The following NRAP variants were observed in gnomAD, a reference collection of about 807,000 sequenced individuals.
NRAP encodes the protein nebulin-related-anchoring protein.
A neutral mutation model predicts 225.9 loss-of-function variants in NRAP; 189 were observed. The ratio of observed to expected loss-of-function variants is 0.84; its 90% CI spans 0.74 to 0.94. The LOEUF is 0.94. NRAP is among the 40% of genes least tolerant of loss of function. The pLI, the probability that NRAP is intolerant of heterozygous loss-of-function variation, is 0.00. For synonymous variants in NRAP, 769 were observed against 790.7 expected (o/e 0.97, Z 0.46); for missense variants, 2,176 against 2,168.7 (o/e 1.00, Z -0.07).
At chr10:113,625,116 A>G (rs537919035) in intron 21 of NRAP, among the ~76,000 whole-genome samples, 186 bp from the exon 22 acceptor site, 58 of 152,302 alleles carry the variant, frequency 3.8e-4, no homozygotes, top group African/African-American at 1.3e-3. Flanking sequence ...AAGGAGAAGC[A>G]GTGGGGAGGA....
chr10:113,620,269 A>ATT (rs1489636810), intron 25 of NRAP, among the ~76,000 whole-genome samples: 6 of 152,188 alleles, frequency 3.9e-5, no homozygotes, highest in African/African-American at 1.4e-4. Context: ...AAAGTCACCA[A>ATT]AGAGCTTTTT....
At chr10:113,621,833 T>A in intron 24 of NRAP, 36 bp downstream of exon 24, 1 of 1,563,360 alleles carries the variant, frequency 6.4e-7, no homozygotes, top group Non-Finnish European at 8.7e-7. Flanking sequence ...AACACACACA[T>A]ACACACACAA....
chr10:113,590,572 G>A lies in NRAP; in HGVS notation c.4956+6C>T. The A allele has an allele frequency of 1.2e-5, 19 of 1,606,626 alleles. No homozygotes were observed. Among genetic ancestry groups the A allele is most frequent in the Middle Eastern group, 3.4e-4 (2 of 5,896 alleles). On this transcript the variant is annotated splice_donor_region_variant and intron_variant, in intron 40 of 41. Coordinates refer to ENST00000359988, the MANE Select transcript of NRAP (RefSeq NM_198060.4). ...GGCCTCAAGGGAGTGGGTGGAGGTG[G>A]CTCACATCACTCTGCAGCTGGTGGG...
At chr10:113,634,906 G>C (rs1385030745) in intron 14 of NRAP, among the ~76,000 whole-genome samples, 2 of 152,122 alleles carry the variant, frequency 1.3e-5, no homozygotes, top group Non-Finnish European at 2.9e-5. Flanking sequence ...ACTCCTTGTA[G>C]GTGGCCCTAA....
intron 30 of NRAP, among the ~76,000 whole-genome samples, chr10:113,611,325 A>G (rs1847309465): frequency 6.6e-6 from 1 of 152,226 alleles, no homozygotes; most frequent in Admixed American, 6.5e-5. Flanking sequence ...ACAGACACCC[A>G]GATCTGAGTG....
At chr10:113,629,950 G>T (rs1848491882) in intron 18 of NRAP, among the ~76,000 whole-genome samples, 165 bp from the exon 19 acceptor site, 1 of 152,186 alleles carries the variant, frequency 6.6e-6, no homozygotes, top group African/African-American at 2.4e-5. Context: ...GCTCTGAAAG[G>T]CAGCATCATG....
Position 113,641,448 on chromosome 10 carries a change from T to C in NRAP, c.1240A>G (p.Asn414Asp). The C allele has an allele frequency of 6.2e-7, 1 of 1,613,196 alleles. No individual in the cohort carries two copies. Among genetic ancestry groups the C allele is most frequent in the Non-Finnish European group, 8.5e-7 (1 of 1,179,152 alleles). Residue 414 changes from asparagine to aspartate, a missense_variant, in exon 13 of 42, where the codon AAC (asparagine) becomes GAC (aspartate). Around this residue, in one of 3 missense-constraint regions of NRAP, gnomAD observed 1,708 missense variants for 1,695.5 expected, o/e 1.01. Transcript: ENST00000359988. ...SDNKYKENYQ[N>D]HMRGRYEGVG... is the part of the protein sequence containing the mutation. Reference sequence around the variant, plus strand: ...CCTTCATAGCGGCCTCTCATGTGGTTCTGGTAGTTTTCTTTATATTTATTC... The same window carrying C: ...CCTTCATAGCGGCCTCTCATGTGGTCCTGGTAGTTTTCTTTATATTTATTC...
At chr10:113,629,940 G>A (rs1450776814) in intron 18 of NRAP, among the ~76,000 whole-genome samples, 155 bp from the exon 19 acceptor site, 1 of 152,164 alleles carries the variant, frequency 6.6e-6, no homozygotes, top group Non-Finnish European at 1.5e-5. Context: ...CCAAGTCCTG[G>A]CTCTGAAAGG....
chr10:113,633,950 TC>T (rs1848713347), intron 15 of NRAP, among the ~76,000 whole-genome samples, 161 bp downstream of exon 15: 1 of 152,180 alleles, frequency 6.6e-6, no homozygotes, highest in African/African-American at 2.4e-5. Flanking sequence ...TTCAAAATTT[TC>T]CATAATAAAA....
chr10:113,655,986 C>A (rs879739470), intron 4 of NRAP, among the ~76,000 whole-genome samples: 10 of 152,134 alleles, frequency 6.6e-5, no homozygotes, highest in African/African-American at 1.2e-4. Context: ...CAAGGACATT[C>A]GAAAGTTAAC....
Position 113,597,083 on chromosome 10 carries a change from C to T in NRAP, c.4431+3G>A. The T allele has an allele frequency of 6.2e-7, 1 of 1,600,260 alleles. No homozygotes were observed. Among genetic ancestry groups the T allele is most frequent in the East Asian group, 2.2e-5 (1 of 44,802 alleles). ...CCGGGATGAATGACAAGAAAGGACC[C>T]ACCTCATTGCAGTGCATATAGCTGT... On this transcript the variant is annotated splice_donor_region_variant and intron_variant, in intron 37 of 41. Transcript: ENST00000359988.
intron 9 of NRAP, 57 bp from the exon 10 acceptor site, chr10:113,647,084 G>A: frequency 9.4e-7 from 1 of 1,065,430 alleles, no homozygotes; most frequent in South Asian, 1.3e-5. Context: ...GATGGGTGGG[G>A]TTCAGCAATG....
intron 32 of NRAP, among the ~76,000 whole-genome samples, chr10:113,607,150 A>T (rs1289169517): frequency 6.6e-6 from 1 of 151,852 alleles, no homozygotes; most frequent in Non-Finnish European, 1.5e-5. Flanking sequence ...GCAGTGAGCA[A>T]AGATCGCGCC....
Position 113,663,853 on chromosome 10 carries a change from C to T in NRAP, c.30G>A (p.Gly10=). ...TCTTCTCGGCAGGATAAACCCCATA[C>T]CCACACCTAGAACAGGGCTGCACAT... is the stretch of plus-strand genomic sequence containing the variant. MNVQPCSRC[G]YGVYPAEKIS... is the part of the protein sequence containing the mutation. Residue 10 remains glycine, a synonymous_variant, in exon 1 of 42, where the codon GGG becomes GGA. Transcript: ENST00000359988. 6.2e-7 allele frequency: 1 copy of T among 1,613,796 alleles called. No homozygotes were observed. The highest frequency in any genetic ancestry group is 8.5e-7 in the Non-Finnish European group (1 of 1,179,774).
At position 113,590,685 on chromosome 10, in the gene NRAP, G is replaced by A. The variant is rs376549512; in HGVS notation, c.4849C>T (p.Gln1617Ter). 6 of 1,614,092 alleles carry A rather than the reference G, an allele frequency of 3.7e-6. No individual in the cohort carries two copies. The highest frequency in any genetic ancestry group is 5.1e-6 in the Non-Finnish European group (6 of 1,180,046). The change falls in exon 40 of 42, where the codon CAG becomes TAG. Residue 1617 changes from glutamine (Q) to a stop codon, truncating the protein, a stop_gained. Transcript: ENST00000359988. LOFTEE classifies it high-confidence loss of function. ...PGLLQAKRSQQLASDVHYRQP... is the reference protein window; with the variant it reads ...PGLLQAKRSQ Reference sequence around the variant, plus strand: ...CTGTAGTGCACATCACTGGCCAGCTGCTGGCTCCTCTTGGCCTGAAGGAGG... The same window carrying A: ...CTGTAGTGCACATCACTGGCCAGCTACTGGCTCCTCTTGGCCTGAAGGAGG...
At position 113,607,399 on chromosome 10, in the gene NRAP, C is replaced by CA. The variant is rs543627940; in HGVS notation, c.3702+1014dup. Among the ~76,000 whole-genome samples, 164 of 68,590 alleles carry CA rather than the reference C, an allele frequency of 2.4e-3. 17 individuals carry two copies. Among genetic ancestry groups the CA allele is most frequent in the Non-Finnish European group, 2.9e-3 (104 of 35,360 alleles). The allele number at this position is 68,590 out of a possible 152,430, so 45.0% of individuals were successfully genotyped here. A position where few individuals can be genotyped will look rare whatever the true frequency, so the allele number is the denominator to read the frequency against. On this transcript the variant is annotated intron_variant, in intron 32 of 41. Transcript: ENST00000359988. Reference sequence around the variant, plus strand: ...CCTGGGTGAAAGAGCGAAACTCCGTCAAAAAAAAAAAAAAAAAAAAAAAAA... The same window carrying CA: ...CCTGGGTGAAAGAGCGAAACTCCGTCAAAAAAAAAAAAAAAAAAAAAAAAAA...
chr10:113,650,263 C>G, intron 8 of NRAP, 122 bp from the exon 9 acceptor site: 2 of 786,652 alleles, frequency 2.5e-6, no homozygotes, highest in Non-Finnish European at 4.4e-6. Context: ...GTAGGTATGT[C>G]TCAGACATAA....
chr10:113,612,536 G>C (rs922761052), intron 29 of NRAP, 105 bp from the exon 30 acceptor site: 1 of 889,930 alleles, frequency 1.1e-6, no homozygotes, highest in African/African-American at 1.7e-5. Context: ...TAAGCCCAGG[G>C]GAAGTTCTTG....
chr10:113,621,889 C>A lies in NRAP; in HGVS notation c.2749G>T (p.Ala917Ser), dbSNP rs143888548. ...CTTACATCACTCTGTAAGCCATAAG[C>A]CTTCTTGGCCCATTCCACCTTCATG... is the stretch of plus-strand genomic sequence containing the variant. ...TDMKVEWAKK[A>S]YGLQSDNQYR... is the part of the protein sequence containing the mutation. Residue 917 changes from alanine (A) to serine (S), a missense_variant, in exon 24 of 42, where the codon GCT (alanine) becomes TCT (serine). Ala to Ser is a moderately conservative substitution (Grantham distance 99, BLOSUM62 1). Coordinates refer to ENST00000359988, the MANE Select transcript of NRAP (RefSeq NM_198060.4). The A allele has an allele frequency of 8.7e-6, 14 of 1,612,076 alleles. No individual in the cohort carries two copies. The highest frequency in any genetic ancestry group is 3.3e-5 in the South Asian group (3 of 90,988).
Sources: allele counts gnomAD v4.1 joint callset (sites outside exome capture counted in the v4.1 genomes callset), GRCh38; gene constraint gnomAD v4.1.1; regional missense constraint gnomAD v4.1.1; transcripts MANE v1.5; gene names NCBI Gene and HGNC (gene_info 2026-07-23, HGNC 2026-07-21).